The following PTPRN2 variants were observed in gnomAD, a reference collection of about 807,000 sequenced individuals.
The protein encoded by PTPRN2 is protein tyrosine phosphatase receptor type N2, also known as receptor-type tyrosine-protein phosphatase N2.
PTPRN2 carries 74 observed loss-of-function variants against 118.8 expected under a neutral mutation model. The observed-to-expected ratio is 0.62, with a 90% CI of 0.52 to 0.76. PTPRN2 has a LOEUF of 0.76. Among genes scored for constraint, PTPRN2 ranks in the 30% least tolerant of loss-of-function variants. The pLI is 0.00. For synonymous variants in PTPRN2, 641 were observed against 608.0 expected, an observed-to-expected ratio of 1.05 and a Z score of -0.80; for missense variants, 1,481 against 1,394.4, an observed-to-expected ratio of 1.06 and a Z score of -0.99.
chr7:158,201,268 C>G lies in PTPRN2; in HGVS notation c.380+3903G>C, dbSNP rs144620710. Among the ~76,000 whole-genome samples, 156 of 152,134 alleles carry G rather than the reference C, an allele frequency of 1.0e-3. 1 individual carries two copies. In the East Asian group the frequency reaches 0.028, roughly 28 times the overall value. ...ACAAGTGCTGAGTAATTTTAAAAAC[C>G]ATAATAGTGAGAACTAAGCTCTGAT... On this transcript the variant is annotated intron_variant, in intron 4 of 22. Coordinates refer to ENST00000389418, the MANE Select transcript of PTPRN2 (RefSeq NM_002847.5).
At chr7:157,841,414 C>T (rs372667726) in intron 12 of PTPRN2, among the ~76,000 whole-genome samples, 23 of 152,288 alleles carry the variant, frequency 1.5e-4, no homozygotes, top group African/African-American at 4.6e-4. Context: ...TCAAACTTAC[C>T]GTATTGTACG....
intron 12 of PTPRN2, among the ~76,000 whole-genome samples, chr7:157,734,903 C>T (rs916858088): frequency 1.3e-5 from 2 of 152,182 alleles, no homozygotes; most frequent in African/African-American, 4.8e-5. Context: ...TTGATGTCGA[C>T]GTGGGAGGCA....
In PTPRN2 at chr7:158,165,162, C is replaced by T. The variant is rs75246986; in HGVS notation, c.910+1769G>A. Among the ~76,000 whole-genome samples the T allele has an allele frequency of 1.0e-2, 262 of 26,306 alleles. 3 individuals are homozygous for T. Among genetic ancestry groups the T allele is most frequent in the Middle Eastern group, 0.033 (1 of 30 alleles). 17.3% of individuals were successfully genotyped at this position (26,306 alleles called of 152,430 possible). On this transcript the variant is annotated intron_variant, in intron 6 of 22. Coordinates refer to ENST00000389418, the MANE Select transcript of PTPRN2 (RefSeq NM_002847.5). ...GAGTGCAGGAGGCAGTGAAGACCCCCGATGGTGTCTAGTACCCACGAAAGT... is the reference window on the plus strand; with the variant it reads ...GAGTGCAGGAGGCAGTGAAGACCCCTGATGGTGTCTAGTACCCACGAAAGT...
At chr7:157,866,373 CAT>C (rs1563188174) in intron 12 of PTPRN2, among the ~76,000 whole-genome samples, 1 of 152,132 alleles carries the variant, frequency 6.6e-6, no homozygotes, top group African/African-American at 2.4e-5. Flanking sequence ...CACACATACA[CAT>C]GAGCACACAC....
At chr7:158,211,675 C>T (rs972360014) in intron 3 of PTPRN2, among the ~76,000 whole-genome samples, 1 of 152,216 alleles carries the variant, frequency 6.6e-6, no homozygotes, top group African/African-American at 2.4e-5. Context: ...GATATCATCT[C>T]ACCCAGTTCA....
intron 19 of PTPRN2, 60 bp downstream of exon 19, chr7:157,576,553 T>A: frequency 6.8e-7 from 1 of 1,459,948 alleles, no homozygotes; most frequent in Non-Finnish European, 9.2e-7. Context: ...CACCGAAGCC[T>A]CGCTCCCCTG....
chr7:157,946,410 G>A lies in PTPRN2; in HGVS notation c.1724-47673C>T, dbSNP rs894946001. 1.1e-4 allele frequency among the ~76,000 whole-genome samples: 17 copies of A among 152,312 alleles called. No individual in the cohort carries two copies. The East Asian group carries it at 3.3e-3, about 29-fold the overall frequency. On this transcript the variant is annotated intron_variant, in intron 11 of 22. Coordinates refer to ENST00000389418, the MANE Select transcript of PTPRN2 (RefSeq NM_002847.5). The stretch of plus-strand genomic sequence containing the variant: ...TCACTGAGGCCAAGAATAGTTATTT[G>A]TTCACACCATTTCATGGATGCCTAT...
intron 2 of PTPRN2, among the ~76,000 whole-genome samples, chr7:158,484,329 A>T (rs1820848446): frequency 6.6e-6 from 1 of 151,914 alleles, no homozygotes; most frequent in Admixed American, 6.6e-5. Context: ...GTCTCTACCG[A>T]CTTACCTCTC....
chr7:158,201,084 C>T (rs1826612348), intron 4 of PTPRN2, among the ~76,000 whole-genome samples: 1 of 148,912 alleles, frequency 6.7e-6, no homozygotes, highest in South Asian at 2.1e-4. Context: ...CAGGGTCTCA[C>T]TCTCTCTCCC....
intron 5 of PTPRN2, among the ~76,000 whole-genome samples, chr7:158,172,574 C>T (rs1290495246): frequency 6.6e-6 from 1 of 150,472 alleles, no homozygotes; most frequent in Non-Finnish European, 1.5e-5. Flanking sequence ...CCATCCACAA[C>T]AGCATCTCCA....
intron 17 of PTPRN2, among the ~76,000 whole-genome samples, chr7:157,581,137 G>A (rs1280020301): frequency 6.6e-6 from 1 of 150,690 alleles, no homozygotes; most frequent in Non-Finnish European, 1.5e-5. Context: ...ACCAGCACCT[G>A]CACACACCAG....
At chr7:157,661,730 A>G (rs1289256404) in intron 13 of PTPRN2, among the ~76,000 whole-genome samples, 3 of 152,192 alleles carry the variant, frequency 2.0e-5, no homozygotes, top group Non-Finnish European at 4.4e-5. Flanking sequence ...GAAGCCCCCC[A>G]TGCTGCCCCT....
chr7:158,213,206 TTGTGTG>T (rs57665784), intron 3 of PTPRN2, among the ~76,000 whole-genome samples: 52,541 of 140,172 alleles, frequency 0.37, 9,304 homozygotes, highest in Middle Eastern at 0.48. Flanking sequence ...GGCTCTGTGC[TTGTGTG>T]TGTGTGTGTG....
At chr7:157,639,854 A>G (rs539087723) in intron 14 of PTPRN2, among the ~76,000 whole-genome samples, 6 of 152,368 alleles carry the variant, frequency 3.9e-5, no homozygotes, top group African/African-American at 1.4e-4. Context: ...TCAAAATGGG[A>G]AGACGCTTGA....
At chr7:158,341,645 C>G (rs560016597) in intron 2 of PTPRN2, among the ~76,000 whole-genome samples, 3 of 78,596 alleles carry the variant, frequency 3.8e-5, no homozygotes, top group Non-Finnish European at 7.7e-5. Context: ...CACATGCAGA[C>G]GTCACTCACA....
chr7:157,541,130 C>T (rs1342654404), intron 22 of PTPRN2, among the ~76,000 whole-genome samples: 9 of 152,220 alleles, frequency 5.9e-5, no homozygotes, highest in East Asian at 1.9e-4. Context: ...TCTGACCCTA[C>T]GACTCCACGA....
intron 9 of PTPRN2, among the ~76,000 whole-genome samples, chr7:158,119,614 G>GGA (rs56827191): frequency 0.024 from 3,499 of 147,134 alleles, 99 homozygotes; most frequent in African/African-American, 0.073. Flanking sequence ...TTTGAAAGAG[G>GGA]GAGAGAGAGA....
chr7:157,715,721 G>A (rs893931040), intron 12 of PTPRN2, among the ~76,000 whole-genome samples: 32 of 152,348 alleles, frequency 2.1e-4, no homozygotes, highest in East Asian at 7.7e-4. Flanking sequence ...GGTCTCCGCC[G>A]TCCAAGCAGC....
chr7:158,384,725 A>T (rs1273985670), intron 2 of PTPRN2, among the ~76,000 whole-genome samples: 2 of 152,212 alleles, frequency 1.3e-5, no homozygotes, highest in Admixed American at 6.5e-5. Context: ...TGTTTAAAAT[A>T]AAAAATTTCA....
Sources: allele counts gnomAD v4.1 joint callset (sites outside exome capture counted in the v4.1 genomes callset), GRCh38; gene constraint gnomAD v4.1.1; transcripts MANE v1.5; gene names NCBI Gene and HGNC (gene_info 2026-07-23, HGNC 2026-07-21).